MAP3K1: variants seen among roughly 807,000 people sequenced by gnomAD.
MAP3K1 encodes the protein mitogen-activated protein kinase kinase kinase 1.
MAP3K1 carries 36 observed loss-of-function variants against 144.2 expected under a neutral mutation model. The observed-to-expected ratio is 0.25, with a 90% CI of 0.19 to 0.33. The LOEUF (loss-of-function observed/expected upper bound fraction) is 0.33. MAP3K1 is among the 10% of genes least tolerant of loss of function. The probability of loss-of-function intolerance (pLI) is 1.00; values close to 1 mark genes in which losing one functional copy is unlikely to be tolerated. For synonymous variants in MAP3K1, 718 were observed against 688.7 expected (o/e 1.04, Z -0.67); for missense variants, 1,650 against 1,881.9 (o/e 0.88, Z 2.28).
At chr5:56,824,890 A>G (rs1475861043) in intron 1 of MAP3K1, among the ~76,000 whole-genome samples, 1 of 152,196 alleles carries the variant, frequency 6.6e-6, no homozygotes, top group African/African-American at 2.4e-5. Context: ...AAAATGCATA[A>G]TAATCACCAC....
chr5:56,834,922 C>T (rs1216339607), intron 1 of MAP3K1, among the ~76,000 whole-genome samples: 1 of 151,880 alleles, frequency 6.6e-6, no homozygotes, highest in Admixed American at 6.6e-5. Context: ...TATAATAAGT[C>T]TTAACAAGTA....
intron 10 of MAP3K1, among the ~76,000 whole-genome samples, 157 bp downstream of exon 10, chr5:56,875,467 TTTTG>T (rs1747995743): frequency 6.6e-6 from 1 of 152,200 alleles, no homozygotes; most frequent in Admixed American, 6.5e-5. Context: ...ACAGCTTTTG[TTTTG>T]TTTATTTGAA....
chr5:56,880,028 C>G (rs1252226245), intron 11 of MAP3K1, among the ~76,000 whole-genome samples: 1 of 152,154 alleles, frequency 6.6e-6, no homozygotes, highest in African/African-American at 2.4e-5. Flanking sequence ...CTATTGTTTT[C>G]TCTATAGATT....
intron 1 of MAP3K1, among the ~76,000 whole-genome samples, chr5:56,822,394 T>C (rs2111751204): frequency 6.6e-6 from 1 of 152,356 alleles, no homozygotes; most frequent in South Asian, 2.1e-4. Flanking sequence ...ACCAATTTTA[T>C]GTAATGTGAG....
At chr5:56,817,167 A>T in intron 1 of MAP3K1, 1 of 897,454 alleles carries the variant, frequency 1.1e-6, no homozygotes, top group South Asian at 5.1e-5. Flanking sequence ...GCTACTGGAA[A>T]TTTTTATGTT....
chr5:56,859,684 G>C, intron 2 of MAP3K1, 31 bp from the exon 3 acceptor site: 1 of 1,489,022 alleles, frequency 6.7e-7, no homozygotes, highest in Non-Finnish European at 9.3e-7. Flanking sequence ...ATATTTTTAA[G>C]TAATCAAAAT....
intron 3 of MAP3K1, among the ~76,000 whole-genome samples, chr5:56,862,610 A>G (rs923188312): frequency 4.6e-5 from 7 of 152,184 alleles, no homozygotes; most frequent in South Asian, 2.1e-4. Context: ...ACTAATGAAC[A>G]TTTATAATCT....
intron 19 of MAP3K1, among the ~76,000 whole-genome samples, chr5:56,889,495 A>G: frequency 6.6e-6 from 1 of 152,146 alleles, no homozygotes; most frequent in East Asian, 1.9e-4. Flanking sequence ...AAAAATTCAC[A>G]CCCAAGTCAG....
At position 56,880,871 on chromosome 5, in the gene MAP3K1, C is replaced by T. The variant is rs554005568; in HGVS notation, c.2179+69C>T. 286 of 1,268,508 alleles carry T rather than the reference C, an allele frequency of 2.3e-4. 3 individuals carry two copies. In the South Asian group the frequency reaches 3.2e-3, roughly 14 times the overall value. 78.6% of individuals were successfully genotyped at this position (1,268,508 alleles called of 1,614,324 possible). On this transcript the variant is annotated intron_variant, in intron 12 of 19. Coordinates refer to ENST00000399503, the MANE Select transcript of MAP3K1 (RefSeq NM_005921.2). ...GTTCCTGAGCAGCCTTGTCTAATCT[C>T]ATAATCTCTCATGAGGCAGTTTACA...
chr5:56,895,329 C>T lies in MAP3K1; in HGVS notation c.*1649C>T, dbSNP rs889200942. The T allele has an allele frequency of 4.3e-6, 1 of 230,446 alleles. No homozygotes were observed. Among genetic ancestry groups the T allele is most frequent in the Non-Finnish European group, 8.5e-6 (1 of 117,066 alleles). The allele number at this position is 230,446 out of a possible 1,614,324, so 14.3% of individuals were successfully genotyped here. A position where few individuals can be genotyped will look rare whatever the true frequency, so the allele number is the denominator to read the frequency against. The stretch of plus-strand genomic sequence containing the variant: ...AGTACAGAAATGTGAAGTTTGGTAT[C>T]TCTAAATGTGTTGTACTTGACTTTC... On this transcript the variant is annotated 3_prime_UTR_variant, in exon 20 of 20. Transcript: ENST00000399503.
chr5:56,871,373 C>A (rs899299274), intron 6 of MAP3K1, among the ~76,000 whole-genome samples: 1 of 151,966 alleles, frequency 6.6e-6, no homozygotes, highest in African/African-American at 2.4e-5. Context: ...TATTTTCTTA[C>A]GATACATTCC....
intron 1 of MAP3K1, among the ~76,000 whole-genome samples, chr5:56,850,633 C>T (rs965111792): frequency 6.6e-6 from 1 of 152,174 alleles, no homozygotes; most frequent in Non-Finnish European, 1.5e-5. Context: ...GAGAGTACAG[C>T]TCTTGAATCA....
chr5:56,881,415 C>A, intron 13 of MAP3K1, 143 bp downstream of exon 13: 1 of 983,766 alleles, frequency 1.0e-6, no homozygotes, highest in Non-Finnish European at 1.5e-6. Flanking sequence ...CATATGAAAA[C>A]CCAAAGTCTG....
intron 1 of MAP3K1, among the ~76,000 whole-genome samples, chr5:56,852,681 G>A (rs73135056): frequency 9.9e-5 from 15 of 152,208 alleles, no homozygotes; most frequent in African/African-American, 3.6e-4. Flanking sequence ...AAGGTCAAAA[G>A]TGTATACACT....
rs550134258 is a variant in MAP3K1, at chr5:56,893,817, T to C, written c.*137T>C. Reference sequence around the variant, plus strand: ...ACGAGGCCAGTGGGGAACCCTTACCTAAGTATGTGATTGACAAATCATGAT... The same window carrying C: ...ACGAGGCCAGTGGGGAACCCTTACCCAAGTATGTGATTGACAAATCATGAT... On this transcript the variant is annotated 3_prime_UTR_variant, in exon 20 of 20. Transcript: ENST00000399503. 2 of 885,082 alleles carry C rather than the reference T, an allele frequency of 2.3e-6. No homozygotes were observed. The highest frequency in any genetic ancestry group is 2.9e-5 in the South Asian group (2 of 70,100). The allele number at this position is 885,082 out of a possible 1,614,324, so 54.8% of individuals were successfully genotyped here. A position where few individuals can be genotyped will look rare whatever the true frequency, so the allele number is the denominator to read the frequency against.
rs1485201533 is a variant in MAP3K1, at chr5:56,882,512, T to G, written c.3312T>G (p.Ala1104=). 1 of 1,614,000 alleles carries G rather than the reference T, an allele frequency of 6.2e-7. No individual in the cohort carries two copies. Among genetic ancestry groups the G allele is most frequent in the African/African-American group, 1.3e-5 (1 of 74,928 alleles). ...GCTGTAGCAGCAATAGTAGTAATGCTGTTATACCCAGTGACGAGACAGTGT... is the reference window on the plus strand; with the variant it reads ...GCTGTAGCAGCAATAGTAGTAATGCGGTTATACCCAGTGACGAGACAGTGT... ...SFGCSSNSSN[A]VIPSDETVFT... Residue 1104 remains alanine (A), a synonymous_variant, in exon 14 of 20, where the codon GCT becomes GCG. Transcript: ENST00000399503.
intron 5 of MAP3K1, 78 bp from the exon 6 acceptor site, chr5:56,865,751 A>C (rs1747654027): frequency 2.1e-6 from 3 of 1,437,338 alleles, no homozygotes; most frequent in Non-Finnish European, 2.9e-6. Context: ...ATTAAAGATA[A>C]ATAATTCAGC....
At position 56,881,556 on chromosome 5, in the gene MAP3K1, T is replaced by G; in HGVS notation, c.2370-14T>G. On this transcript the variant is annotated splice_polypyrimidine_tract_variant and intron_variant, in intron 13 of 19. Coordinates refer to ENST00000399503, the MANE Select transcript of MAP3K1 (RefSeq NM_005921.2). ...ATTGGAACTTATATGGTAATGAATGTTTTTTTCTTTCAGGTATAAGAAGCT... is the reference window on the plus strand; with the variant it reads ...ATTGGAACTTATATGGTAATGAATGGTTTTTTCTTTCAGGTATAAGAAGCT... The G allele has an allele frequency of 6.3e-7, 1 of 1,588,968 alleles. No homozygotes were observed. The highest frequency in any genetic ancestry group is 8.6e-7 in the Non-Finnish European group (1 of 1,158,146).
At chr5:56,873,076 C>T in intron 9 of MAP3K1, 71 bp downstream of exon 9, 1 of 1,393,798 alleles carries the variant, frequency 7.2e-7, no homozygotes, top group South Asian at 1.2e-5. Flanking sequence ...GTCTCCTTCC[C>T]TCAGTTGTTC....
Sources: gnomAD v4.1 joint callset for allele counts (sites outside exome capture counted in the v4.1 genomes callset) on GRCh38, gnomAD v4.1.1 for gene constraint, MANE v1.5 for transcripts, NCBI Gene and HGNC (gene_info 2026-07-23, HGNC 2026-07-21) for gene names.